The following RNF121 variants were observed in gnomAD, a reference collection of about 807,000 sequenced individuals.
RNF121 encodes E3 ubiquitin ligase RNF121.
A neutral mutation model predicts 46.5 loss-of-function variants in RNF121; 21 were observed. The ratio of observed to expected loss-of-function variants is 0.45; its 90% CI spans 0.32 to 0.65. The LOEUF is 0.65. RNF121 is among the 30% of genes least tolerant of loss of function. RNF121 has a pLI of 0.04. For missense variants in RNF121, 346 were observed against 416.0 expected (o/e 0.83, Z 1.46); for synonymous variants, 139 against 144.7 (o/e 0.96, Z 0.28).
At chr11:71,988,761 G>A (rs2134214528) in intron 5 of RNF121, among the ~76,000 whole-genome samples, 1 of 152,276 alleles carries the variant, frequency 6.6e-6, no homozygotes, top group East Asian at 1.9e-4. Context: ...GTTCAAGGCT[G>A]CAGTGAGCTA....
At chr11:71,934,036 A>G (rs1953341056) in intron 1 of RNF121, among the ~76,000 whole-genome samples, 1 of 152,144 alleles carries the variant, frequency 6.6e-6, no homozygotes, top group East Asian at 1.9e-4. Context: ...GGTGCTGTCC[A>G]GTCTGCCTAG....
intron 3 of RNF121, 138 bp from the exon 4 acceptor site, chr11:71,982,623 C>A: frequency 2.3e-6 from 2 of 851,580 alleles, no homozygotes; most frequent in Non-Finnish European, 3.5e-6. Context: ...ACTTGGATCA[C>A]TAGTGGAGTT....
intron 4 of RNF121, among the ~76,000 whole-genome samples, chr11:71,985,197 G>GGA (rs942650249): frequency 5.8e-4 from 88 of 152,262 alleles, no homozygotes; most frequent in African/African-American, 1.9e-3. Flanking sequence ...AAAGTGTTGG[G>GGA]ATTCCAGGTG....
rs373851565 is a variant in RNF121, at chr11:71,961,193, A to G, written c.243+302A>G. 1.5e-3 allele frequency among the ~76,000 whole-genome samples: 223 copies of G among 152,302 alleles called. 2 individuals carry two copies. The highest frequency in any genetic ancestry group is 4.2e-3 in the African/African-American group (173 of 41,570). ...CATCAGGAACTATTCAATTGGAGAG[A>G]GCAAAGATGAATTGACTGGGAAAAC... On this transcript the variant is annotated intron_variant, in intron 3 of 8. Coordinates refer to ENST00000361756, the MANE Select transcript of RNF121 (RefSeq NM_018320.5).
At chr11:71,963,965 T>C (rs1390318858) in intron 3 of RNF121, among the ~76,000 whole-genome samples, 1 of 152,246 alleles carries the variant, frequency 6.6e-6, no homozygotes, top group Non-Finnish European at 1.5e-5. Flanking sequence ...AACTTTGTTA[T>C]TATTTTTCAA....
intron 1 of RNF121, among the ~76,000 whole-genome samples, chr11:71,936,308 TCTGGCAGATACC>T (rs1953408712): frequency 6.6e-6 from 1 of 152,194 alleles, no homozygotes; most frequent in Admixed American, 6.5e-5. Context: ...AACCTCATGC[TCTGGCAGATACC>T]CTGGCAGATT....
intron 3 of RNF121, among the ~76,000 whole-genome samples, chr11:71,982,491 C>A (rs1954685367): frequency 6.6e-6 from 1 of 152,132 alleles, no homozygotes; most frequent in Non-Finnish European, 1.5e-5. Flanking sequence ...TAAGAAAGAG[C>A]TCATTGCAGT....
intron 8 of RNF121, 92 bp downstream of exon 8, chr11:71,995,643 C>A: frequency 1.1e-6 from 1 of 938,638 alleles, no homozygotes; most frequent in Admixed American, 2.0e-5. Context: ...GGGGCCCTCA[C>A]TTCTGCCCCC....
intron 1 of RNF121, among the ~76,000 whole-genome samples, chr11:71,945,798 T>TAA (rs11398516): frequency 2.6e-4 from 40 of 151,762 alleles, no homozygotes; most frequent in East Asian, 1.7e-3. Flanking sequence ...TCATCAATAA[T>TAA]AAAAAAAATA....
chr11:71,930,441 T>C (rs1953250802), intron 1 of RNF121, among the ~76,000 whole-genome samples: 1 of 152,068 alleles, frequency 6.6e-6, no homozygotes, highest in Non-Finnish European at 1.5e-5. Flanking sequence ...GATTACCTGA[T>C]TGGGATCATT....
intron 3 of RNF121, among the ~76,000 whole-genome samples, chr11:71,969,651 C>T (rs1269240277): frequency 6.6e-6 from 1 of 152,158 alleles, no homozygotes; most frequent in African/African-American, 2.4e-5. Flanking sequence ...CAGCCTCAAC[C>T]TCCTGGGCTC....
intron 8 of RNF121, 46 bp from the exon 9 acceptor site, chr11:71,996,149 C>T (rs367564185): frequency 2.5e-6 from 4 of 1,610,360 alleles, no homozygotes; most frequent in South Asian, 1.1e-5. Flanking sequence ...CTAGATCACT[C>T]CTGGCAGCTC....
rs148777955 is a variant in RNF121, at chr11:71,958,721, T to C, written c.101+1457T>C. On this transcript the variant is annotated intron_variant, in intron 2 of 8. Transcript: ENST00000361756. Reference sequence around the variant, plus strand: ...ACTCTCTCCAAAAAAATAATATATGTATATGTACCTACAATGTGCCAGACA... The same window carrying C: ...ACTCTCTCCAAAAAAATAATATATGCATATGTACCTACAATGTGCCAGACA... Among the ~76,000 whole-genome samples the C allele has an allele frequency of 3.7e-4, 56 of 152,220 alleles. 1 individual carries two copies. The highest frequency in any genetic ancestry group is 1.3e-3 in the African/African-American group (52 of 41,538).
intron 6 of RNF121, among the ~76,000 whole-genome samples, chr11:71,993,023 G>T (rs1286517727): frequency 6.6e-6 from 1 of 152,052 alleles, no homozygotes; most frequent in African/African-American, 2.4e-5. Flanking sequence ...TAAGGCCAGG[G>T]ACTTTGTCCC....
At chr11:71,954,715 G>C (rs761184543) in intron 1 of RNF121, among the ~76,000 whole-genome samples, 10 of 152,150 alleles carry the variant, frequency 6.6e-5, no homozygotes, top group Non-Finnish European at 1.5e-4. Flanking sequence ...GATTTTCCTA[G>C]TTTCCCCCTC....
At chr11:71,990,801 A>G (rs1429504721) in intron 6 of RNF121, 84 bp downstream of exon 6, 8 of 1,528,180 alleles carry the variant, frequency 5.2e-6, no homozygotes, top group Non-Finnish European at 7.1e-6. Flanking sequence ...TGGAAGAGAA[A>G]GGCACTAGGG....
intron 3 of RNF121, among the ~76,000 whole-genome samples, chr11:71,971,598 G>T (rs558020718): frequency 6.6e-6 from 1 of 151,812 alleles, no homozygotes; most frequent in African/African-American, 2.4e-5. Flanking sequence ...ACAAAAGACA[G>T]CAACTCCAAT....
chr11:71,962,272 C>T, intron 3 of RNF121: 1 of 984,012 alleles, frequency 1.0e-6, no homozygotes, highest in Non-Finnish European at 1.2e-6. Flanking sequence ...CAGATTTTTA[C>T]AACCTATTCT....
At chr11:71,988,649 A>AG (rs1954811690) in intron 5 of RNF121, among the ~76,000 whole-genome samples, 1 of 150,216 alleles carries the variant, frequency 6.7e-6, no homozygotes, top group Non-Finnish European at 1.5e-5. Context: ...TTAAAAAAAA[A>AG]AAAAAAGAAA....
Sources: allele counts gnomAD v4.1 joint callset (sites outside exome capture counted in the v4.1 genomes callset), GRCh38; gene constraint gnomAD v4.1.1; transcripts MANE v1.5; gene names NCBI Gene and HGNC (gene_info 2026-07-23, HGNC 2026-07-21).